LRGUK: variants seen among roughly 807,000 people sequenced by gnomAD.
LRGUK encodes leucine-rich repeat and guanylate kinase domain-containing protein.
Under a neutral mutation model 76.0 loss-of-function variants are expected in LRGUK, and 65 were observed. The ratio of observed to expected loss-of-function variants is 0.85; its 90% confidence interval spans 0.70 to 1.05. The LOEUF (loss-of-function observed/expected upper bound fraction) is 1.05, where lower values mean the gene tolerates loss of function less well. Among genes scored for constraint, LRGUK ranks in the 50% least tolerant of loss-of-function variants. The pLI is 0.00. For synonymous variants in LRGUK, 268 were observed against 265.6 expected (o/e 1.01, Z -0.09); for missense variants, 758 against 732.8 (o/e 1.03, Z -0.40).
intron 16 of LRGUK, among the ~76,000 whole-genome samples, chr7:134,228,210 G>A (rs1801807754): frequency 6.6e-6 from 1 of 152,138 alleles, no homozygotes; most frequent in African/African-American, 2.4e-5. Flanking sequence ...ATATCTTTAA[G>A]GTGATAACTT....
intron 16 of LRGUK, among the ~76,000 whole-genome samples, chr7:134,235,087 C>T (rs1447634976): frequency 1.3e-5 from 2 of 152,166 alleles, no homozygotes; most frequent in African/African-American, 4.8e-5. Context: ...TACCCCTGCC[C>T]CTATAGGCTA....
the LRGUK span, among the ~76,000 whole-genome samples, chr7:134,276,162 G>A: frequency 5.9e-5 from 9 of 152,278 alleles, no homozygotes; most frequent in East Asian, 1.2e-3. Flanking sequence ...AGTAGCTTAC[G>A]GGCATTAAAT....
intron 11 of LRGUK, among the ~76,000 whole-genome samples, chr7:134,186,576 A>G (rs964450065): frequency 2.0e-5 from 3 of 152,226 alleles, no homozygotes; most frequent in African/African-American, 7.2e-5. Flanking sequence ...AATGACTGTA[A>G]TAAGAAGCAT....
intron 15 of LRGUK, among the ~76,000 whole-genome samples, chr7:134,207,584 G>A (rs561712671): frequency 1.4e-3 from 209 of 152,310 alleles, no homozygotes; most frequent in African/African-American, 4.7e-3. Flanking sequence ...CAAAGGGTGC[G>A]TGTCCAGACC....
intron 10 of LRGUK, 49 bp from the exon 11 acceptor site, chr7:134,183,685 C>T (rs750738514): frequency 5.0e-6 from 8 of 1,607,838 alleles, no homozygotes; most frequent in Non-Finnish European, 6.8e-6. Flanking sequence ...AGTTAATGTG[C>T]TGTCTCCCTG....
At chr7:134,129,828 A>G (rs1321236100) in intron 1 of LRGUK, among the ~76,000 whole-genome samples, 1 of 151,956 alleles carries the variant, frequency 6.6e-6, no homozygotes, top group Non-Finnish European at 1.5e-5. Flanking sequence ...TCCCCTCTTT[A>G]CATCTTTGCA....
intron 16 of LRGUK, among the ~76,000 whole-genome samples, chr7:134,232,347 C>T (rs1010687177): frequency 6.6e-5 from 10 of 152,024 alleles, no homozygotes; most frequent in Non-Finnish European, 1.2e-4. Context: ...GGCACGATCT[C>T]GGCTCACTGC....
downstream of LRGUK, among the ~76,000 whole-genome samples, chr7:134,214,603 C>T (rs960235147): frequency 1.3e-4 from 20 of 152,070 alleles, no homozygotes; most frequent in Admixed American, 3.3e-4. Flanking sequence ...CTATTTATTG[C>T]GTAGTAAGTA....
At chr7:134,218,698 A>G (rs906346203) in intron 15 of LRGUK, among the ~76,000 whole-genome samples, 12 of 152,222 alleles carry the variant, frequency 7.9e-5, no homozygotes, top group African/African-American at 2.9e-4. Flanking sequence ...AAATATACAT[A>G]CAAATCTTTT....
chr7:134,156,737 T>TA (rs1029860099), intron 5 of LRGUK, among the ~76,000 whole-genome samples: 1 of 152,122 alleles, frequency 6.6e-6, no homozygotes, highest in Admixed American at 6.6e-5. Flanking sequence ...AATCAATATT[T>TA]AAAAAAAATT....
At chr7:134,260,831 C>T (rs1055050817) in intron 19 of LRGUK, among the ~76,000 whole-genome samples, 1 of 152,150 alleles carries the variant, frequency 6.6e-6, no homozygotes. Context: ...AGTTAGATGA[C>T]ACAGAGACCA....
chr7:134,148,649 G>A (rs1798077298), intron 5 of LRGUK, among the ~76,000 whole-genome samples: 1 of 152,106 alleles, frequency 6.6e-6, no homozygotes, highest in Admixed American at 6.5e-5. Context: ...TTCTCAGTCG[G>A]GTGCGTTGGC....
chr7:134,264,077 A>G, exon 20 of LRGUK: 2 of 1,169,858 alleles, frequency 1.7e-6, no homozygotes, highest in South Asian at 5.1e-5. Flanking sequence ...CACTCAACCC[A>G]TTACCCACGG....
At chr7:134,243,747 A>G (rs971633205) in intron 16 of LRGUK, among the ~76,000 whole-genome samples, 3 of 152,144 alleles carry the variant, frequency 2.0e-5, no homozygotes, top group African/African-American at 7.2e-5. Context: ...TTGCCAAGAC[A>G]ATCCTAAGCC....
At chr7:134,207,181 T>C (rs1359377779) in intron 15 of LRGUK, among the ~76,000 whole-genome samples, 1 of 152,184 alleles carries the variant, frequency 6.6e-6, no homozygotes, top group Non-Finnish European at 1.5e-5. Flanking sequence ...TAACATAAAA[T>C]TTGCCGTTTT....
chr7:134,143,764 G>T (rs1797863846), intron 4 of LRGUK, among the ~76,000 whole-genome samples: 1 of 152,218 alleles, frequency 6.6e-6, no homozygotes, highest in Non-Finnish European at 1.5e-5. Context: ...GACAGTGGTG[G>T]ATGGAATAGT....
chr7:134,127,386 G>T (rs764509387), exon 1 of LRGUK: 1 of 1,609,378 alleles, frequency 6.2e-7, no homozygotes, highest in African/African-American at 1.3e-5. Context: ...CTCCGAGAGG[G>T]CTCTCCTGAG....
intron 3 of LRGUK, among the ~76,000 whole-genome samples, chr7:134,140,805 GTT>G (rs1797735523): frequency 1.3e-5 from 2 of 151,862 alleles, no homozygotes; most frequent in Non-Finnish European, 2.9e-5. Context: ...CTTTTTTCTA[GTT>G]TTCTAAAGCT....
intron 16 of LRGUK, among the ~76,000 whole-genome samples, chr7:134,241,863 C>A (rs1802163756): frequency 6.6e-6 from 1 of 152,214 alleles, no homozygotes; most frequent in African/African-American, 2.4e-5. Context: ...GTCTCTCAGA[C>A]AACAGTGCAA....
Sources: allele counts gnomAD v4.1 joint callset (sites outside exome capture counted in the v4.1 genomes callset), GRCh38; gene constraint gnomAD v4.1.1; transcripts MANE v1.5; gene names NCBI Gene and HGNC (gene_info 2026-07-23, HGNC 2026-07-21).